GBP5: variants seen among roughly 807,000 people sequenced by gnomAD.
GBP5 encodes guanylate binding protein 5, also known as guanylate-binding protein 5.
Under a neutral mutation model 58.2 loss-of-function variants are expected in GBP5, and 48 were observed. The ratio of observed to expected loss-of-function variants is 0.83; its 90% confidence interval spans 0.65 to 1.05. The LOEUF (loss-of-function observed/expected upper bound fraction) is 1.05, where lower values mean the gene tolerates loss of function less well. GBP5 is among the 50% of genes least tolerant of loss of function. The pLI is 0.00. For synonymous variants in GBP5, 248 were observed against 251.8 expected, an observed-to-expected ratio of 0.98 and a Z score of 0.14; for missense variants, 714 against 686.8, an observed-to-expected ratio of 1.04 and a Z score of -0.44.
chr1:89,266,328 C>G lies in GBP5; in HGVS notation c.868+18G>C, dbSNP rs1353439179. 2.5e-6 allele frequency: 4 copies of G among 1,600,668 alleles called. No homozygotes were observed. Among genetic ancestry groups the G allele is most frequent in the Non-Finnish European group, 3.4e-6 (4 of 1,171,294 alleles). ...AGTTTACATTAAATTGAAGGAAAAT[C>G]CTAAAAATAATACTCACGAGATCCA... On this transcript the variant is annotated intron_variant, in intron 7 of 11. Transcript: ENST00000370459.
rs781466364 is a variant in GBP5, at chr1:89,267,436, C to T, written c.409G>A (p.Gly137Ser). The T allele has an allele frequency of 5.0e-6, 8 of 1,612,784 alleles. No homozygotes were observed. Among genetic ancestry groups the T allele is most frequent in the Admixed American group, 3.3e-5 (2 of 59,982 alleles). ...VYNTVNKIDQ[G>S]AIDLLHNVTE... ...GGATACTGCAGTAGGTCGATAGCAC[C>T]CTGATCAATTTTGTTCACAGTATTG... Residue 137 changes from glycine to serine, a missense_variant, in exon 5 of 12, where the codon GGT (glycine) becomes AGT (serine). Gly to Ser is a moderately conservative substitution (Grantham distance 56, BLOSUM62 0). Transcript: ENST00000370459.
rs965445874 is a variant in GBP5 at position 89,270,776 on chromosome 1, T to G, written c.-41A>C. 23 of 152,208 alleles carry G rather than the reference T, an allele frequency of 1.5e-4. No individual in the cohort carries two copies. Among genetic ancestry groups the G allele is most frequent in the African/African-American group, 4.8e-4 (20 of 41,456 alleles). The allele number at this position is 152,208 out of a possible 1,614,324, so 9.4% of individuals were successfully genotyped here. The stretch of plus-strand genomic sequence containing the variant: ...GTACCTTATATATGTAGAATTCTGG[T>G]TGCCTGATTTGTATGCAGCGGAGGC... On this transcript the variant is annotated 5_prime_UTR_variant, in exon 2 of 12. Transcript: ENST00000370459.
At chr1:89,260,880 G>A in intron 11 of GBP5, 63 bp from the exon 12 acceptor site, 1 of 1,154,458 alleles carries the variant, frequency 8.7e-7, no homozygotes, top group Non-Finnish European at 1.3e-6. Context: ...TCACTCACTT[G>A]TCCTTACTTC....
Position 89,260,819 on chromosome 1 carries a change from T to C in GBP5, c.1648-2A>G, listed in dbSNP as rs1450032022. 3 of 1,606,280 alleles carry C rather than the reference T, an allele frequency of 1.9e-6. No homozygotes were observed. Among genetic ancestry groups the C allele is most frequent in the Non-Finnish European group, 2.6e-6 (3 of 1,173,028 alleles). On this transcript the variant is annotated splice_acceptor_variant, in intron 11 of 11. Transcript: ENST00000370459. LOFTEE classifies it high-confidence loss of function. Reference sequence around the variant, plus strand: ...TGTGCTGAGCTGTGCAGCCTGTTCCTAAAGAGTGATAAATAGAAAGTAAGA... The same window carrying C: ...TGTGCTGAGCTGTGCAGCCTGTTCCCAAAGAGTGATAAATAGAAAGTAAGA...
chr1:89,267,493 G>GTGCAAAGA lies in GBP5; in HGVS notation c.344_351dup (p.Leu118SerfsTer8), dbSNP rs780557399. 6.2e-7 allele frequency: 1 copy of GTGCAAAGA among 1,613,896 alleles called. No homozygotes were observed. Among genetic ancestry groups the GTGCAAAGA allele is most frequent in the South Asian group, 1.1e-5 (1 of 91,082 alleles). On this transcript the variant is annotated frameshift_variant, in exon 5 of 12. Coordinates refer to ENST00000370459, the MANE Select transcript of GBP5 (RefSeq NM_052942.5). LOFTEE classifies it high-confidence loss of function. ...AAGGTGCTGCTCAGTAAGAGTGCCA[G>GTGCAAAGA]TGCAAAGATCTGGATATCATTCTTG... is the stretch of plus-strand genomic sequence containing the variant.
chr1:89,270,472 A>C (rs142768772), intron 2 of GBP5: 1 of 152,232 alleles, frequency 6.6e-6, no homozygotes, highest in East Asian at 1.9e-4. Context: ...TCTCTTTACT[A>C]GCAAATTTCA....
intron 11 of GBP5, 65 bp from the exon 12 acceptor site, chr1:89,260,882 CCTTA>C: frequency 8.8e-7 from 1 of 1,139,914 alleles, no homozygotes; most frequent in African/African-American, 1.5e-5. Context: ...ACTCACTTGT[CCTTA>C]CTTCTTTTCA....
Position 89,266,421 on chromosome 1 carries a change from T to C in GBP5, c.793A>G (p.Thr265Ala), listed in dbSNP as rs1435974172. 1 of 1,614,052 alleles carries C rather than the reference T, an allele frequency of 6.2e-7. No individual in the cohort carries two copies. Among genetic ancestry groups the C allele is most frequent in the Non-Finnish European group, 8.5e-7 (1 of 1,179,878 alleles). ...ELEPEFVQQVTEFCSYIFSHS... is the reference protein window; with the variant it reads ...ELEPEFVQQVAEFCSYIFSHS... ...CTAAAGATGTAGGAACAGAATTCTG[T>C]CACTTGTTGCACAAATTCAGGCTCT... The change falls in exon 7 of 12, where the codon ACA (threonine) becomes GCA (alanine). Residue 265 changes from threonine (T) to alanine (A), a missense_variant. Thr to Ala is a moderately conservative substitution (Grantham distance 58). Transcript: ENST00000370459.
Position 89,272,804 on chromosome 1 carries a change from G to A in GBP5, c.-480C>T, listed in dbSNP as rs1337606719. ...GGACCCAAAGAGTGAGCAGCAGCAA[G>A]ATTTATTGCAAAGAGTGAAAGAACA... On this transcript the variant is annotated 5_prime_UTR_variant, in exon 1 of 12. Transcript: ENST00000370459. 6.5e-6 allele frequency: 1 copy of A among 153,002 alleles called. No individual in the cohort carries two copies. The highest frequency in any genetic ancestry group is 1.5e-5 in the Non-Finnish European group (1 of 68,664). The allele number at this position is 153,002 out of a possible 1,614,324, so 9.5% of individuals were successfully genotyped here.
At chr1:89,262,130 G>C in intron 11 of GBP5, 90 bp downstream of exon 11, 1 of 1,275,102 alleles carries the variant, frequency 7.8e-7, no homozygotes, top group Non-Finnish European at 1.1e-6. Flanking sequence ...CCTGCTGAGA[G>C]CCACAAGATC....
In GBP5 at chr1:89,262,669, C is replaced by T; in HGVS notation, c.1465+14G>A. 1 of 1,539,600 alleles carries T rather than the reference C, an allele frequency of 6.5e-7. No homozygotes were observed. Among genetic ancestry groups the T allele is most frequent in the Non-Finnish European group, 9.0e-7 (1 of 1,113,526 alleles). ...ATTTCTTTCTATCTTGCATAATTTC[C>T]ACTTTCTTCTCACCTTTCTTCTTTT... is the stretch of plus-strand genomic sequence containing the variant. On this transcript the variant is annotated intron_variant, in intron 10 of 11. Coordinates refer to ENST00000370459, the MANE Select transcript of GBP5 (RefSeq NM_052942.5).
chr1:89,264,590 AG>A, intron 8 of GBP5, 95 bp downstream of exon 8: 2 of 1,031,766 alleles, frequency 1.9e-6, no homozygotes, highest in Non-Finnish European at 2.9e-6. Flanking sequence ...TTTCCAATCT[AG>A]TATTTTTTTT....
chr1:89,258,877 T>C lies in GBP5; in HGVS notation c.*1827A>G, dbSNP rs1037549526. The C allele has an allele frequency of 2.6e-5, 4 of 152,300 alleles. No homozygotes were observed. Among genetic ancestry groups the C allele is most frequent in the African/African-American group, 9.6e-5 (4 of 41,578 alleles). The allele number at this position is 152,300 out of a possible 1,614,324, so 9.4% of individuals were successfully genotyped here. On this transcript the variant is annotated 3_prime_UTR_variant, in exon 12 of 12. Coordinates refer to ENST00000370459, the MANE Select transcript of GBP5 (RefSeq NM_052942.5). ...TTAATTCTAGTCTTAAAGCAATTCT[T>C]AATCTCCTTAGGGAAATTCAGTCTT... is the stretch of plus-strand genomic sequence containing the variant.
At position 89,257,072 on chromosome 1, in the gene GBP5, G is replaced by A. The variant is rs1477649409; in HGVS notation, c.*3632C>T. ...CTTCTAAATTTTAACACATTATTCA[G>A]TATTTCTATGTTTTCCTAAGTATAT... is the stretch of plus-strand genomic sequence containing the variant. On this transcript the variant is annotated 3_prime_UTR_variant, in exon 12 of 12. Coordinates refer to ENST00000370459, the MANE Select transcript of GBP5 (RefSeq NM_052942.5). 1.3e-5 allele frequency among the ~76,000 whole-genome samples: 2 copies of A among 152,036 alleles called. No homozygotes were observed. Among genetic ancestry groups the A allele is most frequent in the Non-Finnish European group, 2.9e-5 (2 of 67,996 alleles).
At position 89,264,941 on chromosome 1, in the gene GBP5, A is replaced by G. The variant is rs1373847786; in HGVS notation, c.894T>C (p.Tyr298=). Residue 298 remains tyrosine (Y), a synonymous_variant, in exon 8 of 12, where the codon TAT becomes TAC. Transcript: ENST00000370459. ...GATCCCCACTGCTGATGGCATTGAC[A>G]TAGGTCAGCACCAGGTTCTTTAGAC... ...GSRLKNLVLT[Y]VNAISSGDLP... 2 of 1,613,944 alleles carry G rather than the reference A, an allele frequency of 1.2e-6. No individual in the cohort carries two copies. The highest frequency in any genetic ancestry group is 1.3e-5 in the African/African-American group (1 of 74,944).
chr1:89,266,736 G>A, intron 6 of GBP5, 148 bp from the exon 7 acceptor site: 2 of 824,422 alleles, frequency 2.4e-6, no homozygotes, highest in South Asian at 2.2e-5. Flanking sequence ...TAACTAATCA[G>A]GGAAAGTAAA....
At position 89,272,843 on chromosome 1, in the gene GBP5, C is replaced by G. The variant is rs1650516604; in HGVS notation, c.-519G>C. On this transcript the variant is annotated 5_prime_UTR_variant, in exon 1 of 12. Transcript: ENST00000370459. ...AGTGAAAGAACAAAGGTTCCACAGCCTGGAGGGTGACCTCAGTGGGTTGCC... is the reference window on the plus strand; with the variant it reads ...AGTGAAAGAACAAAGGTTCCACAGCGTGGAGGGTGACCTCAGTGGGTTGCC... 1 of 153,030 alleles carries G rather than the reference C, an allele frequency of 6.5e-6. No individual in the cohort carries two copies. Among genetic ancestry groups the G allele is most frequent in the African/African-American group, 2.4e-5 (1 of 41,474 alleles). The allele number at this position is 153,030 out of a possible 1,614,324, so 9.5% of individuals were successfully genotyped here. A position where few individuals can be genotyped will look rare whatever the true frequency, so the allele number is the denominator to read the frequency against.
intron 11 of GBP5, chr1:89,261,976 A>G: frequency 2.1e-6 from 1 of 478,476 alleles, no homozygotes; most frequent in Non-Finnish European, 3.7e-6. Context: ...TTATCAAAAT[A>G]ACCCTATAAC....
In GBP5 at chr1:89,262,918, A is replaced by G. The variant is rs1650066817; in HGVS notation, c.1363-133T>C. ...CTTGCCATAGGAGAGGCTCCATAGG[A>G]GAGGTGGAGCCTATACAGGCTTCCA... On this transcript the variant is annotated intron_variant, in intron 9 of 11. Transcript: ENST00000370459. 5.2e-6 allele frequency: 3 copies of G among 577,964 alleles called. No individual in the cohort carries two copies. In the Admixed American group the frequency reaches 1.1e-4, roughly 21 times the overall value. 35.8% of individuals were successfully genotyped at this position (577,964 alleles called of 1,614,324 possible).
Sources: gnomAD v4.1 joint callset for allele counts (sites outside exome capture counted in the v4.1 genomes callset) on GRCh38, gnomAD v4.1.1 for gene constraint, MANE v1.5 for transcripts, NCBI Gene and HGNC (gene_info 2026-07-23, HGNC 2026-07-21) for gene names.